The following SERPINI2 variants were observed in gnomAD, a reference collection of about 807,000 sequenced individuals.
The protein encoded by SERPINI2 is serpin I2.
In SERPINI2, 48 loss-of-function variants were observed where a neutral mutation model predicts 47.3. The ratio of observed to expected loss-of-function variants is 1.02; its 90% CI spans 0.81 to 1.29. The LOEUF is 1.29. Among genes scored for constraint, SERPINI2 ranks in the 50% most tolerant of loss-of-function variants. The pLI, the probability that SERPINI2 is intolerant of heterozygous loss-of-function variation, is 0.00. For missense variants in SERPINI2, 448 were observed against 456.9 expected (o/e 0.98, Z 0.18); for synonymous variants, 135 against 149.3 (o/e 0.90, Z 0.70).
chr3:167,466,390 T>C (rs1750133934), intron 3 of SERPINI2, among the ~76,000 whole-genome samples: 1 of 152,206 alleles, frequency 6.6e-6, no homozygotes, highest in African/African-American at 2.4e-5. Flanking sequence ...AAAGTACTAT[T>C]AATTGAGGGC....
intron 8 of SERPINI2, among the ~76,000 whole-genome samples, chr3:167,443,946 G>T (rs57643810): frequency 0.19 from 29,057 of 151,950 alleles, 4,122 homozygotes; most frequent in African/African-American, 0.39. Flanking sequence ...TTCCTAAATA[G>T]GTACCCCCAT....
Position 167,467,286 on chromosome 3 carries a change from C to T in SERPINI2, c.248-1G>A. On this transcript the variant is annotated splice_acceptor_variant, in intron 2 of 8. Coordinates refer to ENST00000264677, the Ensembl canonical transcript of SERPINI2. LOFTEE classifies it high-confidence loss of function. ...GACTTCAGTACAAAAAATTCTTCCC[C>T]TAGAAAATAATTTTAATGTATATTG... 1 of 1,599,212 alleles carries T rather than the reference C, an allele frequency of 6.3e-7. No homozygotes were observed. Among genetic ancestry groups the T allele is most frequent in the Admixed American group, 1.7e-5 (1 of 59,106 alleles).
chr3:167,447,306 G>C (rs967165396), intron 7 of SERPINI2, among the ~76,000 whole-genome samples: 13 of 152,038 alleles, frequency 8.6e-5, no homozygotes, highest in Non-Finnish European at 2.9e-5. Context: ...AATATCAAGG[G>C]TATACCTAAA....
At chr3:167,451,165 TTTTA>T (rs141332815) in intron 6 of SERPINI2, among the ~76,000 whole-genome samples, 1,545 of 152,216 alleles carry the variant, frequency 0.01, 21 homozygotes, top group African/African-American at 0.036. Context: ...ACATACATTC[TTTTA>T]TTTATTTCCC....
At chr3:167,460,871 C>A (rs1229645249) in intron 5 of SERPINI2, among the ~76,000 whole-genome samples, 1 of 152,070 alleles carries the variant, frequency 6.6e-6, no homozygotes. Flanking sequence ...TCATTTAGCA[C>A]ATACTATATA....
intron 8 of SERPINI2, among the ~76,000 whole-genome samples, chr3:167,446,160 T>C (rs1577166527): frequency 6.6e-6 from 1 of 152,218 alleles, no homozygotes; most frequent in African/African-American, 2.4e-5. Flanking sequence ...GCTTTACTGA[T>C]GGTTATATGA....
intron 5 of SERPINI2, among the ~76,000 whole-genome samples, chr3:167,455,533 G>A (rs1191094411): frequency 6.7e-6 from 1 of 148,962 alleles, no homozygotes; most frequent in Non-Finnish European, 1.5e-5. Context: ...GGTACAGTGG[G>A]CTTGAATCAT....
At chr3:167,456,534 A>G (rs1205190629) in intron 5 of SERPINI2, among the ~76,000 whole-genome samples, 4 of 152,168 alleles carry the variant, frequency 2.6e-5, no homozygotes, top group Admixed American at 1.3e-4. Flanking sequence ...TCTCCTTGGT[A>G]CGGCTACTCC....
At chr3:167,456,175 T>C (rs1350473861) in intron 5 of SERPINI2, among the ~76,000 whole-genome samples, 1 of 151,536 alleles carries the variant, frequency 6.6e-6, no homozygotes, top group Admixed American at 6.6e-5. Context: ...TGTGTGTGTG[T>C]GTGTGTGTGT....
intron 5 of SERPINI2, among the ~76,000 whole-genome samples, chr3:167,457,506 C>T (rs569097841): frequency 6.6e-5 from 10 of 152,310 alleles, no homozygotes; most frequent in South Asian, 2.1e-4. Flanking sequence ...TGAGGCTGCT[C>T]CCTTTAAACA....
chr3:167,465,069 A>T (rs1750095118), intron 5 of SERPINI2, 137 bp downstream of exon 5: 3 of 742,366 alleles, frequency 4.0e-6, no homozygotes, highest in Non-Finnish European at 4.3e-6. Flanking sequence ...CCAAAAGTAG[A>T]GTAAAATTTC....
At chr3:167,473,765 A>G in intron 1 of SERPINI2, 1 of 1,479,928 alleles carries the variant, frequency 6.8e-7, no homozygotes, top group Non-Finnish European at 8.9e-7. Flanking sequence ...ATATCTTATC[A>G]GAAAGCACAA....
chr3:167,471,992 C>T, intron 1 of SERPINI2, 148 bp from the exon 2 acceptor site: 2 of 581,502 alleles, frequency 3.4e-6, no homozygotes, highest in Non-Finnish European at 6.0e-6. Context: ...TTCTAAGTAT[C>T]ATCTATTCAG....
chr3:167,471,244 A>G (rs1750308319), intron 2 of SERPINI2, among the ~76,000 whole-genome samples: 1 of 152,122 alleles, frequency 6.6e-6, no homozygotes, highest in South Asian at 2.1e-4. Flanking sequence ...ATGTATGTGT[A>G]TAGATGTATA....
intron 2 of SERPINI2, among the ~76,000 whole-genome samples, chr3:167,467,625 T>G (rs1750177290): frequency 6.6e-6 from 1 of 152,206 alleles, no homozygotes; most frequent in Non-Finnish European, 1.5e-5. Context: ...TAGAATCTTA[T>G]TTGCATAACG....
intron 1 of SERPINI2, among the ~76,000 whole-genome samples, chr3:167,473,113 T>A (rs1026030879): frequency 2.0e-5 from 3 of 151,756 alleles, no homozygotes; most frequent in African/African-American, 7.2e-5. Flanking sequence ...TTGTTCCAAA[T>A]TAAACTATGG....
chr3:167,453,865 A>G (rs1724168265), intron 5 of SERPINI2, among the ~76,000 whole-genome samples: 1 of 150,616 alleles, frequency 6.6e-6, no homozygotes, highest in Non-Finnish European at 1.5e-5. Flanking sequence ...TCACTTTCCC[A>G]TTTAAATAAA....
chr3:167,471,514 C>T, intron 2 of SERPINI2, 74 bp downstream of exon 2: 11 of 1,379,474 alleles, frequency 8.0e-6, no homozygotes, highest in Admixed American at 4.7e-5. Flanking sequence ...TTTCTTTATC[C>T]TGAACTTCTA....
chr3:167,451,392 A>T (rs941353041), intron 6 of SERPINI2, among the ~76,000 whole-genome samples: 1 of 152,222 alleles, frequency 6.6e-6, no homozygotes, highest in Non-Finnish European at 1.5e-5. Context: ...GTCCCATAAG[A>T]CTAGTGTTGG....
Sources: allele counts gnomAD v4.1 joint callset (sites outside exome capture counted in the v4.1 genomes callset), GRCh38; gene constraint gnomAD v4.1.1; transcripts MANE v1.5; gene names NCBI Gene and HGNC (gene_info 2026-07-23, HGNC 2026-07-21).